Variants in ANKRD7 observed in about 807,000 individuals in gnomAD.
ANKRD7 encodes ankyrin repeat domain-containing protein 7.
Under a neutral mutation model 30.8 loss-of-function variants are expected in ANKRD7, and 30 were observed. That is an observed-to-expected ratio of 0.97 (90% confidence interval 0.73 to 1.32). The LOEUF is 1.32. Among genes scored for constraint, ANKRD7 ranks in the 40% most tolerant of loss-of-function variants. ANKRD7 has a pLI of 0.00. For missense variants in ANKRD7, 264 were observed against 295.7 expected, an observed-to-expected ratio of 0.89 and a Z score of 0.79; for synonymous variants, 97 against 106.6, an observed-to-expected ratio of 0.91 and a Z score of 0.55.
intron 1 of ANKRD7, among the ~76,000 whole-genome samples, chr7:118,225,468 A>G (rs1468052237): frequency 6.6e-6 from 1 of 150,848 alleles, no homozygotes; most frequent in African/African-American, 2.5e-5. Context: ...AGCCTGAGTA[A>G]CAGAGCAAGA....
chr7:118,225,938 TATG>T (rs765375511), intron 1 of ANKRD7, among the ~76,000 whole-genome samples: 3 of 152,282 alleles, frequency 2.0e-5, no homozygotes, highest in Non-Finnish European at 2.9e-5. Context: ...TCTGGGATAA[TATG>T]ATGAATAAGC....
intron 6 of ANKRD7, among the ~76,000 whole-genome samples, chr7:118,241,985 G>A (rs1809855590): frequency 6.6e-6 from 1 of 152,134 alleles, no homozygotes; most frequent in Admixed American, 6.5e-5. Context: ...AGAAACTACA[G>A]AAAAATCATT....
At chr7:118,234,192 TCATTA>T (rs1449880406) in intron 1 of ANKRD7, among the ~76,000 whole-genome samples, 1 of 152,190 alleles carries the variant, frequency 6.6e-6, no homozygotes, top group Non-Finnish European at 1.5e-5. Context: ...TATTTTCATC[TCATTA>T]TAGTTAAATT....
At chr7:118,242,256 G>A (rs1450006550) in intron 6 of ANKRD7, 93 bp from the exon 7 acceptor site, 1 of 152,172 alleles carries the variant, frequency 6.6e-6, no homozygotes, top group Non-Finnish European at 1.5e-5. Flanking sequence ...TTATAATTGT[G>A]TTGTAGCTGA....
intron 5 of ANKRD7, among the ~76,000 whole-genome samples, chr7:118,237,482 T>G (rs1230019753): frequency 6.6e-6 from 1 of 152,126 alleles, no homozygotes; most frequent in East Asian, 1.9e-4. Flanking sequence ...TGAATTTAAC[T>G]TATAGATAAT....
At chr7:118,241,823 G>T (rs908668929) in intron 6 of ANKRD7, among the ~76,000 whole-genome samples, 1 of 152,100 alleles carries the variant, frequency 6.6e-6, no homozygotes, top group African/African-American at 2.4e-5. Flanking sequence ...ACATGCGTGA[G>T]CCACTGTGTC....
chr7:118,240,947 G>C (rs1435104739), intron 6 of ANKRD7, among the ~76,000 whole-genome samples: 1 of 150,976 alleles, frequency 6.6e-6, no homozygotes, highest in Non-Finnish European at 1.5e-5. Flanking sequence ...GAGGTCAGGA[G>C]ATCGAGACCA....
intron 1 of ANKRD7, among the ~76,000 whole-genome samples, chr7:118,225,877 C>T (rs1355129529): frequency 6.6e-6 from 1 of 152,172 alleles, no homozygotes; most frequent in African/African-American, 2.4e-5. Flanking sequence ...TCCATTTTCT[C>T]ACCAAATATA....
At chr7:118,226,923 G>A (rs555605113) in intron 1 of ANKRD7, among the ~76,000 whole-genome samples, 1 of 152,104 alleles carries the variant, frequency 6.6e-6, no homozygotes, top group African/African-American at 2.4e-5. Flanking sequence ...TGCATCTTGT[G>A]TTTTATCTAT....
chr7:118,241,129 C>T (rs996128099), intron 6 of ANKRD7, among the ~76,000 whole-genome samples: 1 of 139,858 alleles, frequency 7.2e-6, no homozygotes, highest in Non-Finnish European at 1.5e-5. Flanking sequence ...AGTCCGCAGT[C>T]CGGCCTGGGC....
intron 3 of ANKRD7, among the ~76,000 whole-genome samples, chr7:118,235,537 G>T (rs750875765): frequency 6.6e-6 from 1 of 151,344 alleles, no homozygotes; most frequent in African/African-American, 2.4e-5. Flanking sequence ...GCGTGAACCC[G>T]GGAGGCGGGG....
At chr7:118,239,146 T>G (rs1015514) in intron 5 of ANKRD7, among the ~76,000 whole-genome samples, 15,262 of 152,188 alleles carry the variant, frequency 0.1, 901 homozygotes, top group East Asian at 0.19. Flanking sequence ...GACCTGGTCC[T>G]TGGCCTGTTA....
chr7:118,227,359 C>G (rs1415764342), intron 1 of ANKRD7, among the ~76,000 whole-genome samples: 1 of 152,100 alleles, frequency 6.6e-6, no homozygotes, highest in East Asian at 1.9e-4. Flanking sequence ...TTGGGTAAAG[C>G]TGGGAGGTAG....
intron 5 of ANKRD7, among the ~76,000 whole-genome samples, 193 bp downstream of exon 5, chr7:118,237,119 A>G (rs985683977): frequency 3.3e-5 from 5 of 152,314 alleles, no homozygotes; most frequent in African/African-American, 9.6e-5. Context: ...TGAATATGCA[A>G]ATAAACTACC....
At chr7:118,242,296 A>G (rs1405799744) in intron 6 of ANKRD7, 53 bp from the exon 7 acceptor site, 1 of 152,224 alleles carries the variant, frequency 6.6e-6, no homozygotes, top group Non-Finnish European at 1.5e-5. Flanking sequence ...ACATGTAGAA[A>G]TGGAAATATT....
At chr7:118,234,173 T>C (rs952331799) in intron 1 of ANKRD7, among the ~76,000 whole-genome samples, 3 of 152,180 alleles carry the variant, frequency 2.0e-5, no homozygotes, top group Non-Finnish European at 4.4e-5. Context: ...TGGTATTTTT[T>C]AAAAAATCTA....
chr7:118,232,123 C>T (rs1385792327), intron 1 of ANKRD7, among the ~76,000 whole-genome samples: 1 of 152,008 alleles, frequency 6.6e-6, no homozygotes, highest in Non-Finnish European at 1.5e-5. Context: ...TTCCTATTGG[C>T]CTCGAAGCAT....
chr7:118,239,928 T>C lies in ANKRD7; in HGVS notation c.732T>C (p.Thr244=). ...MVLLHRYPQF[T]ASHGKKKHAK is the part of the protein sequence containing the mutation. ...TTATAGATAGATACCCACAATTCAC[T>C]GCGAGCCATGGAAAGAAGAAACATG... The change falls in exon 6 of 7, where the codon ACT becomes ACC. Residue 244 remains threonine, a synonymous_variant. Coordinates refer to ENST00000265224, the MANE Select transcript of ANKRD7 (RefSeq NM_019644.4). The C allele has an allele frequency of 6.3e-7, 1 of 1,597,222 alleles. No homozygotes were observed. The highest frequency in any genetic ancestry group is 8.6e-7 in the Non-Finnish European group (1 of 1,169,218).
intron 6 of ANKRD7, among the ~76,000 whole-genome samples, chr7:118,241,548 T>TTTTTTTTTTTTG (rs1809846046): frequency 8.3e-6 from 1 of 120,514 alleles, no homozygotes; most frequent in Non-Finnish European, 1.6e-5. Flanking sequence ...TTTTTTTTTT[T>TTTTTTTTTTTTG]TCTGTTTTTG....
Sources: gnomAD v4.1 joint callset for allele counts (sites outside exome capture counted in the v4.1 genomes callset) on GRCh38, gnomAD v4.1.1 for gene constraint, MANE v1.5 for transcripts, NCBI Gene and HGNC (gene_info 2026-07-23, HGNC 2026-07-21) for gene names.